The following SLC25A24 variants were observed in gnomAD, a reference collection of about 807,000 sequenced individuals.
SLC25A24 encodes mitochondrial adenyl nucleotide antiporter SLC25A24.
SLC25A24 carries 49 observed loss-of-function variants against 60.7 expected under a neutral mutation model. The ratio of observed to expected loss-of-function variants is 0.81; its 90% CI spans 0.64 to 1.02. SLC25A24 has a LOEUF of 1.02. Among genes scored for constraint, SLC25A24 ranks in the 50% least tolerant of loss-of-function variants. The probability of loss-of-function intolerance (pLI) is 0.00; values close to 1 mark genes in which losing one functional copy is unlikely to be tolerated. For missense variants in SLC25A24, 564 were observed against 586.3 expected, an observed-to-expected ratio of 0.96 and a Z score of 0.39; for synonymous variants, 202 against 200.6, an observed-to-expected ratio of 1.01 and a Z score of -0.06.
At chr1:108,188,653 TGAGAA>T (rs1648232701) in intron 1 of SLC25A24, among the ~76,000 whole-genome samples, 1 of 152,088 alleles carries the variant, frequency 6.6e-6, no homozygotes, top group South Asian at 2.1e-4. Context: ...TACCAGGTGT[TGAGAA>T]AAGAAAAGCT....
intron 3 of SLC25A24, among the ~76,000 whole-genome samples, chr1:108,162,546 G>T (rs1196710025): frequency 1.3e-5 from 2 of 151,380 alleles, no homozygotes; most frequent in Non-Finnish European, 3.0e-5. Context: ...GATGGCCAGT[G>T]ATGGTGAGCA....
At chr1:108,162,635 A>G (rs1163804046) in intron 3 of SLC25A24, among the ~76,000 whole-genome samples, 1 of 151,720 alleles carries the variant, frequency 6.6e-6, no homozygotes, top group East Asian at 1.9e-4. Flanking sequence ...ACTTTTTGAT[A>G]GGGTTGTTTG....
intron 6 of SLC25A24, among the ~76,000 whole-genome samples, chr1:108,152,932 A>G: frequency 6.6e-6 from 1 of 152,202 alleles, no homozygotes; most frequent in Non-Finnish European, 1.5e-5. Context: ...ACCATATGAC[A>G]TATAGAAAGA....
Position 108,200,076 on chromosome 1 carries a change from C to G in SLC25A24, c.63G>C (p.Pro21=), listed in dbSNP as rs1253844577. ...PTAACQDAEQ[P]TRYETLFQAL... ...CCTGGAAGAGGGTCTCGTAGCGCGT[C>G]GGCTGCTCCGCGTCCTGGCAGGCCG... Residue 21 remains proline (P), a synonymous_variant, in exon 1 of 10, where the codon CCG becomes CCC. Transcript: ENST00000565488. 34 of 1,587,834 alleles carry G rather than the reference C, an allele frequency of 2.1e-5. 1 individual carries two copies. Among genetic ancestry groups the G allele is most frequent in the Non-Finnish European group, 2.8e-5 (33 of 1,167,816 alleles).
At chr1:108,159,096 T>A (rs1571288855) in intron 4 of SLC25A24, among the ~76,000 whole-genome samples, 1 of 152,220 alleles carries the variant, frequency 6.6e-6, no homozygotes, top group African/African-American at 2.4e-5. Flanking sequence ...TGCACAATAA[T>A]AGAACTTGGT....
chr1:108,198,903 C>T (rs913022431), intron 1 of SLC25A24: 1 of 152,156 alleles, frequency 6.6e-6, no homozygotes, highest in Non-Finnish European at 1.5e-5. Context: ...CTGGGACAAT[C>T]AGCACAAAGT....
At position 108,175,939 on chromosome 1, in the gene SLC25A24, T is replaced by C. The variant is rs79676107; in HGVS notation, c.398+6002A>G. Among the ~76,000 whole-genome samples the C allele has an allele frequency of 1.3e-4, 20 of 152,282 alleles. No homozygotes were observed. In the East Asian group the frequency reaches 3.9e-3, roughly 29 times the overall value. On this transcript the variant is annotated intron_variant, in intron 3 of 9. Transcript: ENST00000565488. ...TGCAAAGACTGAAATAAGTGCCTAC[T>C]TCTTCAAATGCACAGATGTAAACAC...
intron 9 of SLC25A24, among the ~76,000 whole-genome samples, chr1:108,138,779 G>A (rs923776808): frequency 2.6e-5 from 4 of 152,028 alleles, no homozygotes; most frequent in African/African-American, 9.7e-5. Context: ...CTTAAAACGT[G>A]CATGTAACAC....
chr1:108,178,776 A>T (rs1187740693), intron 3 of SLC25A24, among the ~76,000 whole-genome samples: 1 of 152,038 alleles, frequency 6.6e-6, no homozygotes, highest in Non-Finnish European at 1.5e-5. Flanking sequence ...ATCGGGCCAC[A>T]GCACTCAAGC....
chr1:108,160,545 G>C (rs1680040899), intron 4 of SLC25A24, among the ~76,000 whole-genome samples: 1 of 152,104 alleles, frequency 6.6e-6, no homozygotes, highest in South Asian at 2.1e-4. Flanking sequence ...TCCCAGACGG[G>C]GTGGCGGCTG....
rs1382792596 is a variant in SLC25A24, at chr1:108,136,369, T to A, written c.*284A>T. 2 of 260,438 alleles carry A rather than the reference T, an allele frequency of 7.7e-6. No individual in the cohort carries two copies. Among genetic ancestry groups the A allele is most frequent in the Non-Finnish European group, 1.4e-5 (2 of 138,906 alleles). 16.1% of individuals were successfully genotyped at this position (260,438 alleles called of 1,614,324 possible). A position where few individuals can be genotyped will look rare whatever the true frequency, so the allele number is the denominator to read the frequency against. Reference sequence around the variant, plus strand: ...ACAAAACAAATTTTGTTCAAGCCAGTACATTTTCAGATTTCGGATTCAGGG... The same window carrying A: ...ACAAAACAAATTTTGTTCAAGCCAGAACATTTTCAGATTTCGGATTCAGGG... On this transcript the variant is annotated 3_prime_UTR_variant, in exon 10 of 10. Coordinates refer to ENST00000565488, the MANE Select transcript of SLC25A24 (RefSeq NM_013386.5).
intron 1 of SLC25A24, among the ~76,000 whole-genome samples, chr1:108,188,726 T>C (rs1290750610): frequency 6.6e-6 from 1 of 152,236 alleles, no homozygotes; most frequent in Non-Finnish European, 1.5e-5. Context: ...TGTCTCCCTA[T>C]GCTGGCTTTA....
At chr1:108,164,283 G>T (rs1480821743) in intron 3 of SLC25A24, among the ~76,000 whole-genome samples, 1 of 151,972 alleles carries the variant, frequency 6.6e-6, no homozygotes, top group Admixed American at 6.5e-5. Context: ...CCTGGCTTTG[G>T]TATCAGGATG....
chr1:108,161,317 A>C (rs1212602506), intron 3 of SLC25A24, 24 bp from the exon 4 acceptor site: 2 of 1,223,358 alleles, frequency 1.6e-6, no homozygotes, highest in Non-Finnish European at 2.4e-6. Context: ...AAAATGATCA[A>C]AGTACAAAAC....
intron 3 of SLC25A24, among the ~76,000 whole-genome samples, chr1:108,172,324 T>C (rs750222103): frequency 7.2e-5 from 11 of 152,224 alleles, no homozygotes; most frequent in Non-Finnish European, 1.6e-4. Flanking sequence ...TTAGTCTGTT[T>C]TGTGTTGTTT....
intron 1 of SLC25A24, among the ~76,000 whole-genome samples, chr1:108,189,588 G>A (rs1464902586): frequency 1.3e-5 from 2 of 152,116 alleles, no homozygotes. Context: ...GCCAAGGTGG[G>A]CGGATCACTT....
At chr1:108,182,178 C>A in intron 2 of SLC25A24, 150 bp from the exon 3 acceptor site, 1 of 547,682 alleles carries the variant, frequency 1.8e-6, no homozygotes, top group Non-Finnish European at 3.3e-6. Context: ...TGCTTAAATG[C>A]CTATCCCAAC....
At chr1:108,192,549 G>A (rs577241833) in intron 1 of SLC25A24, 6 of 1,499,480 alleles carry the variant, frequency 4.0e-6, no homozygotes, top group East Asian at 2.8e-5. Context: ...CCTTCCTGAA[G>A]CTCAAAAATG....
At position 108,191,670 on chromosome 1, in the gene SLC25A24, G is replaced by GA. The variant is rs1268796514; in HGVS notation, c.184-5717dup. On this transcript the variant is annotated intron_variant, in intron 1 of 9. Transcript: ENST00000565488. ...ATTCCCAAAGTTCACATGGCTAATA[G>GA]AAAGAGTTTTACTAAATTTCAACAT... 5.7e-5 allele frequency among the ~76,000 whole-genome samples: 8 copies of GA among 139,280 alleles called. 1 individual carries two copies. The highest frequency in any genetic ancestry group is 1.6e-4 in the Admixed American group (2 of 12,200). The allele number at this position is 139,280 out of a possible 152,430, so 91.4% of individuals were successfully genotyped here. A position where few individuals can be genotyped will look rare whatever the true frequency, so the allele number is the denominator to read the frequency against.
Sources: gnomAD v4.1 joint callset for allele counts (sites outside exome capture counted in the v4.1 genomes callset) on GRCh38, gnomAD v4.1.1 for gene constraint, MANE v1.5 for transcripts, NCBI Gene and HGNC (gene_info 2026-07-23, HGNC 2026-07-21) for gene names.